NKAIN1: variants seen among roughly 807,000 people sequenced by gnomAD.
NKAIN1 encodes the protein sodium/potassium-transporting ATPase subunit beta-1-interacting protein 1.
NKAIN1 carries 13 observed loss-of-function variants against 31.6 expected under a neutral mutation model. The observed-to-expected ratio is 0.41, with a 90% confidence interval of 0.27 to 0.65. NKAIN1 has a LOEUF of 0.65. NKAIN1 is among the 30% of genes least tolerant of loss of function. The probability of loss-of-function intolerance (pLI) is 0.30; values close to 1 mark genes in which losing one functional copy is unlikely to be tolerated. For missense variants in NKAIN1, 193 were observed against 262.2 expected, an observed-to-expected ratio of 0.74 and a Z score of 1.82; for synonymous variants, 104 against 109.0, an observed-to-expected ratio of 0.95 and a Z score of 0.28.
intron 1 of NKAIN1, among the ~76,000 whole-genome samples, chr1:31,193,640 G>A (rs1645303114): frequency 6.6e-6 from 1 of 152,024 alleles, no homozygotes; most frequent in Non-Finnish European, 1.5e-5. Flanking sequence ...AGGTTGCAGT[G>A]AGCTGAGATC....
chr1:31,217,362 C>T lies in NKAIN1; in HGVS notation c.54+22132G>A, dbSNP rs1259133699. On this transcript the variant is annotated intron_variant, in intron 1 of 6. Coordinates refer to ENST00000373736, the MANE Select transcript of NKAIN1 (RefSeq NM_024522.3). ...GTATTTTTTGTAGAGACGGGGGTCT[C>T]ACTATGTTGTCCAAGCTGGTCTCAA... Among the ~76,000 whole-genome samples the T allele has an allele frequency of 5.9e-5, 9 of 151,736 alleles. No individual in the cohort carries two copies. The East Asian group carries it at 7.8e-4, about 13-fold the overall frequency.
intron 1 of NKAIN1, among the ~76,000 whole-genome samples, chr1:31,235,168 T>C (rs2148369741): frequency 6.6e-6 from 1 of 152,048 alleles, no homozygotes; most frequent in South Asian, 2.1e-4. Context: ...GATGAAGAAA[T>C]TGATGGGGAT....
chr1:31,225,657 T>C (rs1645598386), intron 1 of NKAIN1, among the ~76,000 whole-genome samples: 1 of 150,694 alleles, frequency 6.6e-6, no homozygotes, highest in African/African-American at 2.4e-5. Flanking sequence ...TTTTCCCAGC[T>C]ACATTGTGTG....
rs1227944438 is a variant in NKAIN1 at position 31,180,032 on chromosome 1, G to A, written c.*1671C>T. On this transcript the variant is annotated 3_prime_UTR_variant, in exon 7 of 7. Coordinates refer to ENST00000373736, the MANE Select transcript of NKAIN1 (RefSeq NM_024522.3). ...CTCAAGCTGTACCCACCAGCTGGGA[G>A]CTCCATGCCTGTGGGGGCCAGAGGA... 6.6e-6 allele frequency: 1 copy of A among 152,350 alleles called. No homozygotes were observed. Among genetic ancestry groups the A allele is most frequent in the Non-Finnish European group, 1.5e-5 (1 of 68,148 alleles). 9.4% of individuals were successfully genotyped at this position (152,350 alleles called of 1,614,324 possible). A position where few individuals can be genotyped will look rare whatever the true frequency, so the allele number is the denominator to read the frequency against.
intron 1 of NKAIN1, among the ~76,000 whole-genome samples, chr1:31,197,212 C>T (rs1381019336): frequency 1.3e-5 from 2 of 150,290 alleles, no homozygotes; most frequent in South Asian, 4.3e-4. Context: ...CCCAGGTTCA[C>T]GCCATTCTCC....
At chr1:31,213,680 T>A (rs12752431) in intron 1 of NKAIN1, among the ~76,000 whole-genome samples, 101,414 of 151,716 alleles carry the variant, frequency 0.67, 34,758 homozygotes, top group Middle Eastern at 0.87. Context: ...CCAATGTCCA[T>A]CATCTGATGG....
rs867667433 is a variant in NKAIN1 at position 31,193,103 on chromosome 1, C to A, written c.55-4916G>T. On this transcript the variant is annotated intron_variant, in intron 1 of 6. Coordinates refer to ENST00000373736, the MANE Select transcript of NKAIN1 (RefSeq NM_024522.3). ...TATTTTTTTGAGACGGAGTCTCACT[C>A]TGTCTCCCAGGCTGGAGTGCAGTGG... Among the ~76,000 whole-genome samples the A allele has an allele frequency of 1.5e-4, 23 of 151,110 alleles. 1 individual carries two copies. The highest frequency in any genetic ancestry group is 5.6e-4 in the African/African-American group (23 of 41,358).
intron 1 of NKAIN1, among the ~76,000 whole-genome samples, chr1:31,218,409 C>T (rs965543993): frequency 6.6e-6 from 1 of 152,132 alleles, no homozygotes; most frequent in Non-Finnish European, 1.5e-5. Flanking sequence ...TGCTGCTGTG[C>T]TGAGTGCATT....
At chr1:31,195,620 T>TA (rs1341631183) in intron 1 of NKAIN1, among the ~76,000 whole-genome samples, 3 of 150,778 alleles carry the variant, frequency 2.0e-5, no homozygotes, top group Non-Finnish European at 3.0e-5. Flanking sequence ...CCTCTCCCAT[T>TA]AAAAAAAGAA....
Position 31,181,843 on chromosome 1 carries a change from AG to A in NKAIN1, c.614+16del, listed in dbSNP as rs1458697148. On this transcript the variant is annotated intron_variant, in intron 6 of 6. Transcript: ENST00000373736. ...GACGCCCAGGCCTCCCCAAGCCAGC[AG>A]GGGGCCGTGACCCACGTGTACAGAG... is the stretch of plus-strand genomic sequence containing the variant. 1 of 1,599,686 alleles carries A rather than the reference AG, an allele frequency of 6.3e-7. No individual in the cohort carries two copies. The highest frequency in any genetic ancestry group is 1.8e-5 in the Admixed American group (1 of 56,908).
At chr1:31,193,417 G>C (rs868570260) in intron 1 of NKAIN1, among the ~76,000 whole-genome samples, 1 of 151,718 alleles carries the variant, frequency 6.6e-6, no homozygotes, top group Admixed American at 6.6e-5. Context: ...CCAAGTCAAG[G>C]CCGGTGCAGT....
chr1:31,181,715 G>A lies in NKAIN1; in HGVS notation c.615-3C>T. ...CGCGGGGCAGAGGCTACCCCGACCT[G>A]CGGGAAACAAAGGCAGGTTAGGGAG... On this transcript the variant is annotated splice_region_variant and splice_polypyrimidine_tract_variant and intron_variant, in intron 6 of 6. Coordinates refer to ENST00000373736, the MANE Select transcript of NKAIN1 (RefSeq NM_024522.3). 6.7e-7 allele frequency: 1 copy of A among 1,490,116 alleles called. No homozygotes were observed. Among genetic ancestry groups the A allele is most frequent in the Non-Finnish European group, 9.0e-7 (1 of 1,113,862 alleles). 92.3% of individuals were successfully genotyped at this position (1,490,116 alleles called of 1,614,324 possible). A position where few individuals can be genotyped will look rare whatever the true frequency, so the allele number is the denominator to read the frequency against.
chr1:31,218,075 T>TCTTTCTTTCTTTCTTTCTTTCTC (rs1557660009), intron 1 of NKAIN1, among the ~76,000 whole-genome samples: 2 of 148,230 alleles, frequency 1.3e-5, no homozygotes, highest in African/African-American at 5.1e-5. Flanking sequence ...TTTCTTTTTT[T>TCTTTCTTTCTTTCTTTCTTTCTC]TTTTTGAGAT....
At chr1:31,189,318 T>C (rs1041239905) in intron 1 of NKAIN1, among the ~76,000 whole-genome samples, 6 of 152,074 alleles carry the variant, frequency 3.9e-5, no homozygotes, top group Admixed American at 6.6e-5. Flanking sequence ...TTTCTAAATA[T>C]TTATTATCAT....
At chr1:31,205,174 G>A (rs1317742222) in intron 1 of NKAIN1, among the ~76,000 whole-genome samples, 4 of 151,666 alleles carry the variant, frequency 2.6e-5, no homozygotes, top group South Asian at 2.1e-4. Flanking sequence ...AGTCTCGCCC[G>A]GGCTGGAATA....
chr1:31,198,832 G>T (rs1645352376), intron 1 of NKAIN1, among the ~76,000 whole-genome samples: 1 of 151,648 alleles, frequency 6.6e-6, no homozygotes, highest in Non-Finnish European at 1.5e-5. Context: ...TCAGTAGGAT[G>T]CTCTTGTCTG....
rs139015398 is a variant in NKAIN1 at position 31,179,996 on chromosome 1, G to T, written c.*1707C>A. 1,154 of 152,458 alleles carry T rather than the reference G, an allele frequency of 7.6e-3. 6 individuals carry two copies. Among genetic ancestry groups the T allele is most frequent in the Non-Finnish European group, 0.012 (847 of 68,146 alleles). The allele number at this position is 152,458 out of a possible 1,614,324, so 9.4% of individuals were successfully genotyped here. A position where few individuals can be genotyped will look rare whatever the true frequency, so the allele number is the denominator to read the frequency against. On this transcript the variant is annotated 3_prime_UTR_variant, in exon 7 of 7. Transcript: ENST00000373736. ...AAGGGCAGTAGCTTAGCCTGAGGGA[G>T]CTGCCCCCCTCTCAAGCTGTACCCA...
chr1:31,187,353 C>T (rs968952834), intron 2 of NKAIN1, among the ~76,000 whole-genome samples: 3 of 152,152 alleles, frequency 2.0e-5, no homozygotes, highest in Non-Finnish European at 2.9e-5. Flanking sequence ...CAGAGACTAT[C>T]AGGGACCAGG....
chr1:31,231,525 G>T (rs1232521029), intron 1 of NKAIN1, among the ~76,000 whole-genome samples: 1 of 133,206 alleles, frequency 7.5e-6, no homozygotes, highest in Non-Finnish European at 1.6e-5. Flanking sequence ...GTTGTTGTTT[G>T]TTGTTGTTGT....
Sources: allele counts gnomAD v4.1 joint callset (sites outside exome capture counted in the v4.1 genomes callset), GRCh38; gene constraint gnomAD v4.1.1; transcripts MANE v1.5; gene names NCBI Gene and HGNC (gene_info 2026-07-23, HGNC 2026-07-21).